Variants in ERC2 observed in about 807,000 individuals in gnomAD.
The protein encoded by ERC2 is ELKS/RAB6-interacting/CAST family member 2, also known as ERC protein 2.
Under a neutral mutation model 114.8 loss-of-function variants are expected in ERC2, and 42 were observed. The ratio of observed to expected loss-of-function variants is 0.37; its 90% CI spans 0.29 to 0.47. The LOEUF (loss-of-function observed/expected upper bound fraction) is 0.47, where lower values mean the gene tolerates loss of function less well. ERC2 is among the 20% of genes least tolerant of loss of function. The pLI is 0.99. For missense variants in ERC2, 939 were observed against 1,150.7 expected (o/e 0.82, Z 2.66); for synonymous variants, 454 against 425.5 (o/e 1.07, Z -0.82).
chr3:55,722,034 AT>A, intron 15 of ERC2, among the ~76,000 whole-genome samples: 1 of 152,140 alleles, frequency 6.6e-6, no homozygotes, highest in Admixed American at 6.5e-5. Flanking sequence ...CTGAGTTGCC[AT>A]TCTTGTGGGT....
At chr3:55,654,319 G>A (rs1412691789) in intron 17 of ERC2, among the ~76,000 whole-genome samples, 2 of 152,188 alleles carry the variant, frequency 1.3e-5, no homozygotes, top group Non-Finnish European at 2.9e-5. Context: ...ATCCAGTGTT[G>A]GGTGGTAGCA....
intron 3 of ERC2, among the ~76,000 whole-genome samples, chr3:56,231,704 T>C (rs2050629818): frequency 1.3e-5 from 2 of 152,220 alleles, no homozygotes; most frequent in South Asian, 4.1e-4. Context: ...AACCAGGTCA[T>C]GCCTGATAGC....
chr3:55,736,791 CA>C (rs1231856545), intron 14 of ERC2, among the ~76,000 whole-genome samples: 1 of 152,144 alleles, frequency 6.6e-6, no homozygotes, highest in Non-Finnish European at 1.5e-5. Flanking sequence ...ATCGCTTATT[CA>C]AAAAGTTTTA....
intron 12 of ERC2, among the ~76,000 whole-genome samples, chr3:55,951,817 T>A (rs147813479): frequency 1.3e-5 from 2 of 152,018 alleles, no homozygotes; most frequent in Non-Finnish European, 2.9e-5. Context: ...GAGAACTAGA[T>A]GATAAACAGC....
chr3:56,188,759 T>C (rs2083795760), intron 3 of ERC2, among the ~76,000 whole-genome samples: 1 of 152,172 alleles, frequency 6.6e-6, no homozygotes, highest in Non-Finnish European at 1.5e-5. Flanking sequence ...TTTCACATCC[T>C]TGATGGGGGT....
At chr3:56,023,258 T>G (rs1039313262) in intron 7 of ERC2, among the ~76,000 whole-genome samples, 1 of 152,098 alleles carries the variant, frequency 6.6e-6, no homozygotes, top group Non-Finnish European at 1.5e-5. Flanking sequence ...TCTAACTGCA[T>G]GACTTCCTTC....
chr3:55,912,439 C>T (rs2064862890), intron 13 of ERC2, among the ~76,000 whole-genome samples: 1 of 152,140 alleles, frequency 6.6e-6, no homozygotes, highest in South Asian at 2.1e-4. Flanking sequence ...AAAGTGACTT[C>T]AGTTGAAGAA....
At chr3:56,142,204 A>G (rs1008547815) in intron 5 of ERC2, among the ~76,000 whole-genome samples, 4 of 152,090 alleles carry the variant, frequency 2.6e-5, no homozygotes, top group Non-Finnish European at 5.9e-5. Flanking sequence ...TTTCACACTT[A>G]TTTGCAGGAA....
chr3:56,060,910 T>C (rs1243111578), intron 7 of ERC2, among the ~76,000 whole-genome samples: 1 of 152,190 alleles, frequency 6.6e-6, no homozygotes, highest in African/African-American at 2.4e-5. Flanking sequence ...TGAATTCCTT[T>C]CTTTAATCTT....
intron 15 of ERC2, among the ~76,000 whole-genome samples, chr3:55,723,074 C>T (rs889356468): frequency 1.3e-5 from 2 of 152,162 alleles, no homozygotes; most frequent in African/African-American, 2.4e-5. Context: ...AATCAAAATC[C>T]CCAAAACAGA....
At chr3:56,172,797 G>C (rs2082744339) in intron 4 of ERC2, among the ~76,000 whole-genome samples, 1 of 152,126 alleles carries the variant, frequency 6.6e-6, no homozygotes. Flanking sequence ...CTTAATCATG[G>C]ATCATGGCTT....
At chr3:55,524,830 C>A (rs1414021330) in intron 17 of ERC2, among the ~76,000 whole-genome samples, 1 of 152,158 alleles carries the variant, frequency 6.6e-6, no homozygotes, top group East Asian at 1.9e-4. Flanking sequence ...CTTCAGTGGG[C>A]TGAGGTGTTC....
chr3:55,621,961 T>G (rs1401184723), intron 17 of ERC2, among the ~76,000 whole-genome samples: 29 of 152,208 alleles, frequency 1.9e-4, no homozygotes, highest in Non-Finnish European at 4.4e-5. Flanking sequence ...TGTATTCACA[T>G]GACATAAGCT....
At chr3:55,614,485 AAACTGTCTAC>A in intron 17 of ERC2, among the ~76,000 whole-genome samples, 1 of 152,298 alleles carries the variant, frequency 6.6e-6, no homozygotes, top group East Asian at 1.9e-4. Context: ...TTCATATGAA[AAACTGTCTAC>A]AGGTATGGTA....
intron 6 of ERC2, among the ~76,000 whole-genome samples, chr3:56,108,066 G>C (rs932980696): frequency 2.6e-5 from 4 of 152,076 alleles, no homozygotes; most frequent in African/African-American, 4.8e-5. Flanking sequence ...TAACAAAAAG[G>C]CTTTCACCTA....
intron 6 of ERC2, among the ~76,000 whole-genome samples, chr3:56,107,429 G>A (rs574926110): frequency 1.2e-4 from 18 of 152,020 alleles, no homozygotes; most frequent in African/African-American, 4.1e-4. Flanking sequence ...AGGGGCTTTG[G>A]GTCCCAGTCT....
At chr3:56,251,830 T>G (rs945933719) in intron 3 of ERC2, among the ~76,000 whole-genome samples, 10 of 152,224 alleles carry the variant, frequency 6.6e-5, no homozygotes, top group Non-Finnish European at 1.3e-4. Context: ...AGGGAAACTC[T>G]TTACTTGTAG....
chr3:55,949,199 C>A (rs2149441431), intron 13 of ERC2, among the ~76,000 whole-genome samples: 1 of 152,138 alleles, frequency 6.6e-6, no homozygotes, highest in Non-Finnish European at 1.5e-5. Flanking sequence ...GAAACCCCGT[C>A]TCTACTAAAA....
intron 14 of ERC2, among the ~76,000 whole-genome samples, chr3:55,739,224 G>T (rs1002180470): frequency 6.6e-6 from 1 of 152,146 alleles, no homozygotes; most frequent in Admixed American, 6.5e-5. Flanking sequence ...AAACATACAT[G>T]TGCATGTGTC....
Sources: allele counts gnomAD v4.1 joint callset (sites outside exome capture counted in the v4.1 genomes callset), GRCh38; gene constraint gnomAD v4.1.1; transcripts MANE v1.5; gene names NCBI Gene and HGNC (gene_info 2026-07-23, HGNC 2026-07-21).